The following AGBL4 variants were observed in gnomAD, a reference collection of about 807,000 sequenced individuals.
AGBL4 encodes AGBL carboxypeptidase 4, also known as cytosolic carboxypeptidase 6.
A neutral mutation model predicts 66.4 loss-of-function variants in AGBL4; 58 were observed. That is an observed-to-expected ratio of 0.87 (90% CI 0.71 to 1.09). AGBL4 has a LOEUF of 1.09. AGBL4 is among the 50% of genes least tolerant of loss of function. AGBL4 has a pLI of 0.00. For missense variants in AGBL4, 579 were observed against 631.0 expected, an observed-to-expected ratio of 0.92 and a Z score of 0.88; for synonymous variants, 234 against 222.9, an observed-to-expected ratio of 1.05 and a Z score of -0.44.
intron 9 of AGBL4, among the ~76,000 whole-genome samples, chr1:48,622,270 A>G (rs77923863): frequency 0.018 from 2,791 of 152,172 alleles, 97 homozygotes; most frequent in African/African-American, 0.065. Flanking sequence ...TTCAAAGCTT[A>G]TCTCAGAGAT....
intron 4 of AGBL4, among the ~76,000 whole-genome samples, chr1:49,080,726 A>T (rs770773833): frequency 2.0e-5 from 3 of 152,200 alleles, no homozygotes; most frequent in Non-Finnish European, 2.9e-5. Flanking sequence ...TTCTTTGTCT[A>T]AATTGCCATA....
intron 1 of AGBL4, among the ~76,000 whole-genome samples, chr1:49,959,192 G>A (rs1557620099): frequency 6.6e-6 from 1 of 152,104 alleles, no homozygotes; most frequent in Middle Eastern, 3.4e-3. Context: ...AGGAGTTGCA[G>A]TATAGTCTAA....
intron 3 of AGBL4, among the ~76,000 whole-genome samples, chr1:49,518,743 T>A (rs1435169605): frequency 6.6e-6 from 1 of 152,140 alleles, no homozygotes; most frequent in Non-Finnish European, 1.5e-5. Context: ...GTCATTCTCA[T>A]GATTAAAAGA....
intron 1 of AGBL4, among the ~76,000 whole-genome samples, chr1:49,961,986 T>G (rs1043227683): frequency 2.0e-5 from 3 of 152,168 alleles, no homozygotes; most frequent in Admixed American, 6.6e-5. Flanking sequence ...ACCAATTATA[T>G]TTTGTGTGAA....
chr1:48,736,587 G>T lies in AGBL4; in HGVS notation c.635-73346C>A. The T allele has an allele frequency of 1.3e-6, 1 of 756,804 alleles. No homozygotes were observed. The allele number at this position is 756,804 out of a possible 1,614,324, so 46.9% of individuals were successfully genotyped here. A position where few individuals can be genotyped will look rare whatever the true frequency, so the allele number is the denominator to read the frequency against. ...TAAATATGAAATTAACTCTCTTTAA[G>T]GGTAATCGTAATAGCTATCATCTAC... On this transcript the variant is annotated intron_variant, in intron 6 of 13. Coordinates refer to ENST00000371839, the MANE Select transcript of AGBL4 (RefSeq NM_032785.4). This position sits in a 1 kb window ranked among gnomAD's most constrained non-coding sequence, Gnocchi z 4.0.
intron 1 of AGBL4, among the ~76,000 whole-genome samples, chr1:49,937,218 C>T (rs1162164769): frequency 6.6e-6 from 1 of 151,926 alleles, no homozygotes; most frequent in Non-Finnish European, 1.5e-5. Flanking sequence ...GACATTAAAC[C>T]AACAAAGATC....
At chr1:49,691,444 CT>C (rs1646884772) in intron 3 of AGBL4, 2 of 158,300 alleles carry the variant, frequency 1.3e-5, no homozygotes, top group Non-Finnish European at 2.8e-5. Flanking sequence ...TAGGATTGTA[CT>C]TGTGGATGTA....
chr1:49,519,373 A>C (rs2148797576), intron 3 of AGBL4, among the ~76,000 whole-genome samples: 1 of 152,226 alleles, frequency 6.6e-6, no homozygotes, highest in African/African-American at 2.4e-5. Context: ...AAAGATGTTA[A>C]CTGATATTAA....
chr1:49,330,442 T>A (rs182151161), intron 3 of AGBL4, among the ~76,000 whole-genome samples: 1 of 152,168 alleles, frequency 6.6e-6, no homozygotes, highest in Admixed American at 6.5e-5. Context: ...ATAAAATTCT[T>A]CTGAGAGAAA....
At chr1:49,832,618 G>C (rs1645722906) in intron 2 of AGBL4, among the ~76,000 whole-genome samples, 1 of 151,708 alleles carries the variant, frequency 6.6e-6, no homozygotes, top group Non-Finnish European at 1.5e-5. Flanking sequence ...CACCAAGAGT[G>C]TAAAAGTGTT....
At chr1:48,829,859 C>T (rs745778633) in intron 6 of AGBL4, among the ~76,000 whole-genome samples, 18 of 151,958 alleles carry the variant, frequency 1.2e-4, no homozygotes, top group Non-Finnish European at 2.4e-4. Context: ...TAAATTCCAC[C>T]AGCTTAATTA....
chr1:48,733,610 T>C (rs767209511), intron 6 of AGBL4, among the ~76,000 whole-genome samples: 2 of 152,148 alleles, frequency 1.3e-5, no homozygotes, highest in African/African-American at 2.4e-5. Flanking sequence ...CTAAGGAGTG[T>C]GTAATGGCCC....
At chr1:49,131,104 A>G (rs1645884906) in intron 4 of AGBL4, among the ~76,000 whole-genome samples, 2 of 152,108 alleles carry the variant, frequency 1.3e-5, no homozygotes, top group South Asian at 4.1e-4. Flanking sequence ...TATCTACAAA[A>G]CATATTACTG....
chr1:49,078,687 T>G (rs1329454477), intron 4 of AGBL4, among the ~76,000 whole-genome samples: 1 of 152,192 alleles, frequency 6.6e-6, no homozygotes, highest in East Asian at 1.9e-4. Flanking sequence ...TCTGGGCCAC[T>G]GTAGCAGCCT....
At chr1:49,317,716 G>A (rs1645064743) in intron 3 of AGBL4, among the ~76,000 whole-genome samples, 1 of 151,856 alleles carries the variant, frequency 6.6e-6, no homozygotes, top group African/African-American at 2.4e-5. Flanking sequence ...TCTGTGTGTT[G>A]CTTCAGTTAC....
chr1:48,898,139 G>GT (rs1297448789), intron 5 of AGBL4, among the ~76,000 whole-genome samples: 1 of 151,864 alleles, frequency 6.6e-6, no homozygotes, highest in African/African-American at 2.4e-5. Flanking sequence ...TTTGGCTTTT[G>GT]TTTTTTTGTT....
chr1:49,585,315 C>T (rs1394012145), intron 3 of AGBL4, among the ~76,000 whole-genome samples: 1 of 152,102 alleles, frequency 6.6e-6, no homozygotes, highest in Non-Finnish European at 1.5e-5. Flanking sequence ...ACATTCTAAA[C>T]AACTCTACCC....
rs140002836 is a variant in AGBL4 at position 49,395,911 on chromosome 1, A to T, written c.283-150047T>A. ...CATATATCAGTGGTCCTCCCCAAGC[A>T]TAATCTCATAAAACAGAGCATCCCC... On this transcript the variant is annotated intron_variant, in intron 3 of 13. Coordinates refer to ENST00000371839, the MANE Select transcript of AGBL4 (RefSeq NM_032785.4). 2.3e-3 allele frequency among the ~76,000 whole-genome samples: 334 copies of T among 148,276 alleles called. 10 individuals are homozygous for T. The East Asian group carries it at 0.058, about 26-fold the overall frequency.
intron 5 of AGBL4, among the ~76,000 whole-genome samples, chr1:49,005,269 C>T (rs532985433): frequency 1.3e-5 from 2 of 152,300 alleles, no homozygotes; most frequent in African/African-American, 4.8e-5. Flanking sequence ...CCCTACTTAT[C>T]CATTTTCATT....
Sources: gnomAD v4.1 joint callset for allele counts (sites outside exome capture counted in the v4.1 genomes callset) on GRCh38, gnomAD v4.1.1 for gene constraint, Gnocchi (gnomAD v3.1) non-coding constraint, MANE v1.5 for transcripts, NCBI Gene and HGNC (gene_info 2026-07-23, HGNC 2026-07-21) for gene names.